Variants in AGMO observed in about 807,000 individuals in gnomAD.
The protein encoded by AGMO is glyceryl-ether monooxygenase.
Under a neutral mutation model 60.2 loss-of-function variants are expected in AGMO, and 75 were observed. The observed-to-expected ratio is 1.25, with a 90% CI of 1.03 to 1.51. The LOEUF (loss-of-function observed/expected upper bound fraction) is 1.51. AGMO is among the 40% of genes most tolerant of loss of function. The probability of loss-of-function intolerance (pLI) is 0.00; values close to 1 mark genes in which losing one functional copy is unlikely to be tolerated. For synonymous variants in AGMO, 261 were observed against 177.1 expected (o/e 1.47, Z -3.76); for missense variants, 763 against 525.5 (o/e 1.45, Z -4.42).
chr7:15,248,320 A>C (rs1782828818), intron 12 of AGMO, among the ~76,000 whole-genome samples: 1 of 150,106 alleles, frequency 6.7e-6, no homozygotes, highest in African/African-American at 2.4e-5. Context: ...ATAGCATACA[A>C]GAGGATCATA....
chr7:15,219,308 T>C (rs961899135), intron 12 of AGMO, among the ~76,000 whole-genome samples: 22 of 152,250 alleles, frequency 1.4e-4, no homozygotes, highest in Admixed American at 8.5e-4. Context: ...TCAAGGAAAG[T>C]GGCAGAATGA....
intron 3 of AGMO, among the ~76,000 whole-genome samples, chr7:15,500,088 T>C (rs982668820): frequency 2.0e-5 from 3 of 151,884 alleles, no homozygotes; most frequent in African/African-American, 7.2e-5. Flanking sequence ...GTACATTGTC[T>C]TACAGTTTTG....
intron 12 of AGMO, among the ~76,000 whole-genome samples, chr7:15,258,030 A>G (rs1563057734): frequency 6.6e-6 from 1 of 152,196 alleles, no homozygotes; most frequent in South Asian, 2.1e-4. Context: ...CTAAAAACAC[A>G]TGATTCTCCA....
At chr7:15,354,509 T>C (rs1435485960) in intron 12 of AGMO, among the ~76,000 whole-genome samples, 1 of 71,828 alleles carries the variant, frequency 1.4e-5, no homozygotes, top group African/African-American at 7.3e-5. Flanking sequence ...TATATATATA[T>C]ATATATATAT....
chr7:15,499,809 A>G (rs1238495057), intron 3 of AGMO, among the ~76,000 whole-genome samples: 1 of 151,604 alleles, frequency 6.6e-6, no homozygotes, highest in Non-Finnish European at 1.5e-5. Flanking sequence ...AGAGATTAAA[A>G]TGTTCTCCAA....
chr7:15,553,022 G>A (rs1785013165), intron 2 of AGMO, among the ~76,000 whole-genome samples: 1 of 151,826 alleles, frequency 6.6e-6, no homozygotes, highest in East Asian at 1.9e-4. Flanking sequence ...TCCTTTGTAG[G>A]GACATGGATG....
intron 3 of AGMO, among the ~76,000 whole-genome samples, chr7:15,509,371 C>CA (rs56841825): frequency 0.54 from 78,879 of 145,592 alleles, 22,239 homozygotes; most frequent in East Asian, 0.94. Flanking sequence ...GACCCACATG[C>CA]AAAAAAAAAA....
chr7:15,295,598 T>C (rs532499925), intron 12 of AGMO, among the ~76,000 whole-genome samples: 2 of 152,250 alleles, frequency 1.3e-5, no homozygotes, highest in South Asian at 2.1e-4. Context: ...ATTAATAGTA[T>C]AATTTTGATT....
At chr7:15,304,346 C>T (rs891891991) in intron 12 of AGMO, among the ~76,000 whole-genome samples, 5 of 152,088 alleles carry the variant, frequency 3.3e-5, no homozygotes, top group Non-Finnish European at 7.4e-5. Flanking sequence ...TTAATAACAG[C>T]GTACCCAGCA....
intron 12 of AGMO, among the ~76,000 whole-genome samples, chr7:15,327,428 C>T (rs1293621592): frequency 6.6e-6 from 1 of 152,168 alleles, no homozygotes; most frequent in Non-Finnish European, 1.5e-5. Context: ...GTAGGAATGA[C>T]TGGGGCTGAG....
chr7:15,457,907 T>C (rs1782040352), intron 3 of AGMO, among the ~76,000 whole-genome samples: 1 of 152,168 alleles, frequency 6.6e-6, no homozygotes. Context: ...CCACTAGTGA[T>C]GCTTAAAATT....
chr7:15,179,029 C>T, the AGMO span, among the ~76,000 whole-genome samples: 2 of 152,170 alleles, frequency 1.3e-5, no homozygotes, highest in Non-Finnish European at 2.9e-5. Context: ...GCAGAGCCCT[C>T]ATGACCTAAT....
chr7:15,120,071 C>T, the AGMO span, among the ~76,000 whole-genome samples: 35 of 151,942 alleles, frequency 2.3e-4, no homozygotes, highest in East Asian at 2.3e-3. Flanking sequence ...AGATCTTTTC[C>T]GTTGACATAG....
intron 4 of AGMO, among the ~76,000 whole-genome samples, chr7:15,430,118 T>A (rs1781185218): frequency 6.6e-6 from 1 of 151,900 alleles, no homozygotes; most frequent in Admixed American, 6.6e-5. Flanking sequence ...ATGAAGTAAG[T>A]CAATATATAA....
At chr7:15,287,413 A>G (rs1008867975) in intron 12 of AGMO, among the ~76,000 whole-genome samples, 6 of 152,162 alleles carry the variant, frequency 3.9e-5, no homozygotes, top group African/African-American at 1.4e-4. Flanking sequence ...AAACATTTTC[A>G]TTAAATAATT....
At chr7:15,285,140 T>G (rs1784066779) in intron 12 of AGMO, among the ~76,000 whole-genome samples, 1 of 151,674 alleles carries the variant, frequency 6.6e-6, no homozygotes, top group Admixed American at 6.6e-5. Flanking sequence ...TGGTGAAAAG[T>G]TGAAAGCATT....
the AGMO span, among the ~76,000 whole-genome samples, chr7:15,173,379 T>A: frequency 6.6e-6 from 1 of 152,154 alleles, no homozygotes; most frequent in Admixed American, 6.5e-5. Flanking sequence ...GTCATTTACT[T>A]TTATGGACTA....
At chr7:15,142,896 A>G in the AGMO span, among the ~76,000 whole-genome samples, 1 of 152,200 alleles carries the variant, frequency 6.6e-6, no homozygotes, top group Admixed American at 6.5e-5. Flanking sequence ...TATCGCATTT[A>G]ATCCTCACAA....
At chr7:15,244,066 T>C (rs1164984791) in intron 12 of AGMO, among the ~76,000 whole-genome samples, 1 of 152,180 alleles carries the variant, frequency 6.6e-6, no homozygotes, top group Non-Finnish European at 1.5e-5. Context: ...AAGCATTTTG[T>C]TCAGATCTCC....
Sources: gnomAD v4.1 joint callset for allele counts (sites outside exome capture counted in the v4.1 genomes callset) on GRCh38, gnomAD v4.1.1 for gene constraint, MANE v1.5 for transcripts, NCBI Gene and HGNC (gene_info 2026-07-23, HGNC 2026-07-21) for gene names.